ARHGEF26: variants seen among roughly 807,000 people sequenced by gnomAD.
ARHGEF26 encodes Rho guanine nucleotide exchange factor (GEF) 26.
In ARHGEF26, 59 loss-of-function variants were observed where a neutral mutation model predicts 89.4. The ratio of observed to expected loss-of-function variants is 0.66; its 90% CI spans 0.54 to 0.82. ARHGEF26 has a LOEUF of 0.82. ARHGEF26 is among the 40% of genes least tolerant of loss of function. The pLI, the probability that ARHGEF26 is intolerant of heterozygous loss-of-function variation, is 0.00. For synonymous variants in ARHGEF26, 500 were observed against 428.4 expected (o/e 1.17, Z -2.06); for missense variants, 1,234 against 1,085.6 (o/e 1.14, Z -1.92).
At chr3:154,223,951 A>G (rs1716301939) in intron 10 of ARHGEF26, among the ~76,000 whole-genome samples, 1 of 142,992 alleles carries the variant, frequency 7.0e-6, no homozygotes, top group Non-Finnish European at 1.5e-5. Flanking sequence ...TGCCAAGGCT[A>G]GCTTTCTAGG....
intron 6 of ARHGEF26, among the ~76,000 whole-genome samples, chr3:154,153,652 A>G (rs1345665149): frequency 1.3e-5 from 2 of 152,126 alleles, no homozygotes; most frequent in Non-Finnish European, 2.9e-5. Context: ...TTCCAAAAAT[A>G]TGAAAGATCC....
chr3:154,216,110 C>T (rs1039541269), intron 9 of ARHGEF26, among the ~76,000 whole-genome samples: 10 of 151,932 alleles, frequency 6.6e-5, no homozygotes, highest in Non-Finnish European at 1.3e-4. Flanking sequence ...ATTTTATTTA[C>T]TTCTATATTA....
chr3:154,254,582 G>A, intron 13 of ARHGEF26, 138 bp from the exon 14 acceptor site: 1 of 651,072 alleles, frequency 1.5e-6, no homozygotes, highest in Non-Finnish European at 2.7e-6. Context: ...AAGATGTTCT[G>A]CTTTTTATTA....
chr3:154,240,671 A>G lies in ARHGEF26; in HGVS notation c.2300+92A>G, dbSNP rs551334155. Reference sequence around the variant, plus strand: ...TACAGACTTCCTAAAAACAGCAGCTACTATTCATGTTTTTGTTGAGCACCT... The same window carrying G: ...TACAGACTTCCTAAAAACAGCAGCTGCTATTCATGTTTTTGTTGAGCACCT... On this transcript the variant is annotated intron_variant, in intron 12 of 14. Transcript: ENST00000465093. 1.4e-5 allele frequency: 17 copies of G among 1,185,228 alleles called. 2 individuals carry two copies. In the African/African-American group the frequency reaches 2.0e-4, roughly 14 times the overall value. 73.4% of individuals were successfully genotyped at this position (1,185,228 alleles called of 1,614,324 possible). A position where few individuals can be genotyped will look rare whatever the true frequency, so the allele number is the denominator to read the frequency against.
At chr3:154,192,497 C>T (rs778707177) in intron 8 of ARHGEF26, among the ~76,000 whole-genome samples, 1 of 152,204 alleles carries the variant, frequency 6.6e-6, no homozygotes, top group Non-Finnish European at 1.5e-5. Flanking sequence ...AAGTTTACTT[C>T]GATCTACTGC....
intron 6 of ARHGEF26, among the ~76,000 whole-genome samples, chr3:154,178,509 T>C (rs1233817403): frequency 6.6e-6 from 1 of 152,234 alleles, no homozygotes; most frequent in Non-Finnish European, 1.5e-5. Context: ...TGGTCTTTGA[T>C]GACTGCTTTC....
chr3:154,230,276 G>A (rs998846414), intron 11 of ARHGEF26, among the ~76,000 whole-genome samples: 1 of 152,158 alleles, frequency 6.6e-6, no homozygotes, highest in African/African-American at 2.4e-5. Context: ...TGGAGGCCAG[G>A]ATTATTTCCA....
intron 4 of ARHGEF26, among the ~76,000 whole-genome samples, chr3:154,140,954 T>C (rs1176944483): frequency 7.3e-6 from 1 of 136,250 alleles, no homozygotes; most frequent in East Asian, 2.1e-4. Context: ...AAGTCACTCT[T>C]TCAGCTTCCA....
chr3:154,256,546 A>AT lies in ARHGEF26; in HGVS notation c.*1075dup, dbSNP rs1382834017. ...CCGTGCCCAGCCTACTTTCTAATTAATTAAAAAAAAAAAAAAAAAAAAAAA... is the reference window on the plus strand; with the variant it reads ...CCGTGCCCAGCCTACTTTCTAATTAATTTAAAAAAAAAAAAAAAAAAAAAAA... On this transcript the variant is annotated 3_prime_UTR_variant, in exon 15 of 15. Transcript: ENST00000465093. 5.0e-5 allele frequency: 46 copies of AT among 927,650 alleles called. No homozygotes were observed. Among genetic ancestry groups the AT allele is most frequent in the African/African-American group, 3.3e-4 (14 of 42,080 alleles). 57.5% of individuals were successfully genotyped at this position (927,650 alleles called of 1,614,324 possible).
Position 154,256,565 on chromosome 3 carries a change from AAAAAAAAAAAC to A in ARHGEF26, c.*1093_*1103del, listed in dbSNP as rs1205786621. ...TAATTAATTAAAAAAAAAAAAAAAA[AAAAAAAAAAAC>A]CTTCCCAAATGAGCTGATAAAAAAC... On this transcript the variant is annotated 3_prime_UTR_variant, in exon 15 of 15. Coordinates refer to ENST00000465093, the MANE Select transcript of ARHGEF26 (RefSeq NM_015595.4). 721 of 999,852 alleles carry A rather than the reference AAAAAAAAAAAC, an allele frequency of 7.2e-4. 13 individuals carry two copies. In the African/African-American group the frequency reaches 0.01, roughly 14 times the overall value. The allele number at this position is 999,852 out of a possible 1,614,324, so 61.9% of individuals were successfully genotyped here.
chr3:154,170,288 G>A (rs540731217), intron 6 of ARHGEF26, among the ~76,000 whole-genome samples: 4 of 152,252 alleles, frequency 2.6e-5, no homozygotes, highest in South Asian at 4.1e-4. Context: ...CTGAAACCGG[G>A]AGAGGTCTAG....
chr3:154,145,899 C>T (rs1719675835), intron 4 of ARHGEF26, among the ~76,000 whole-genome samples: 2 of 152,260 alleles, frequency 1.3e-5, no homozygotes, highest in South Asian at 4.1e-4. Context: ...AGAAATATTA[C>T]ACAAAGTTTA....
At chr3:154,252,155 G>C (rs1576833558) in intron 12 of ARHGEF26, among the ~76,000 whole-genome samples, 1 of 152,102 alleles carries the variant, frequency 6.6e-6, no homozygotes, top group Non-Finnish European at 1.5e-5. Flanking sequence ...TTTTTCCCCA[G>C]GTGTTGGTCA....
chr3:154,241,792 C>A (rs1243790042), intron 12 of ARHGEF26, among the ~76,000 whole-genome samples: 1 of 152,166 alleles, frequency 6.6e-6, no homozygotes. Context: ...AGGATTCTTG[C>A]TGAAGACAGG....
chr3:154,195,927 C>T (rs1714262082), intron 9 of ARHGEF26, among the ~76,000 whole-genome samples: 1 of 151,950 alleles, frequency 6.6e-6, no homozygotes, highest in African/African-American at 2.4e-5. Flanking sequence ...GTGGAGAAAA[C>T]TAAAAAGAAC....
intron 9 of ARHGEF26, among the ~76,000 whole-genome samples, chr3:154,213,340 A>G (rs1460972045): frequency 6.6e-6 from 1 of 151,956 alleles, no homozygotes; most frequent in Non-Finnish European, 1.5e-5. Flanking sequence ...TTTGGCATAA[A>G]TTGAAGGAAG....
chr3:154,166,341 T>C lies in ARHGEF26; in HGVS notation c.1487+13409T>C, dbSNP rs1168344923. On this transcript the variant is annotated intron_variant, in intron 6 of 14. Transcript: ENST00000465093. The stretch of plus-strand genomic sequence containing the variant: ...CTGGGATTACAGGCATGAGCCACTG[T>C]GCCCAGCCAGTATTTATTTTTAATG... 4.6e-5 allele frequency among the ~76,000 whole-genome samples: 7 copies of C among 152,186 alleles called. No individual in the cohort carries two copies. The South Asian group carries it at 6.2e-4, about 13-fold the overall frequency.
At chr3:154,155,211 A>G (rs1720257721) in intron 6 of ARHGEF26, among the ~76,000 whole-genome samples, 1 of 152,074 alleles carries the variant, frequency 6.6e-6, no homozygotes. Context: ...CATCTGGAAC[A>G]TAGTATGTGT....
intron 10 of ARHGEF26, among the ~76,000 whole-genome samples, chr3:154,225,355 A>G (rs949574265): frequency 6.6e-6 from 1 of 152,200 alleles, no homozygotes; most frequent in African/African-American, 2.4e-5. Flanking sequence ...AAAAATAAGC[A>G]TGTAGGTTTT....
Sources: allele counts gnomAD v4.1 joint callset (sites outside exome capture counted in the v4.1 genomes callset), GRCh38; gene constraint gnomAD v4.1.1; transcripts MANE v1.5; gene names NCBI Gene and HGNC (gene_info 2026-07-23, HGNC 2026-07-21).